Variants in TRERF1 observed in about 807,000 individuals in gnomAD.
The protein encoded by TRERF1 is transcriptional regulating factor 1, also known as transcriptional-regulating factor 1.
A neutral mutation model predicts 122.9 loss-of-function variants in TRERF1; 27 were observed. That is an observed-to-expected ratio of 0.22 (90% confidence interval 0.16 to 0.30). The LOEUF is 0.30. Among genes scored for constraint, TRERF1 ranks in the 10% least tolerant of loss-of-function variants. The pLI is 1.00. For synonymous variants in TRERF1, 636 were observed against 641.7 expected (o/e 0.99, Z 0.13); for missense variants, 1,248 against 1,560.3 (o/e 0.80, Z 3.37).
intron 3 of TRERF1, among the ~76,000 whole-genome samples, chr6:42,320,616 C>G (rs1304797984): frequency 6.6e-6 from 1 of 150,712 alleles, no homozygotes; most frequent in South Asian, 2.1e-4. Context: ...TCAAGCAATT[C>G]TCCCTACCTC....
At chr6:42,397,787 G>A (rs1778840088) in intron 2 of TRERF1, among the ~76,000 whole-genome samples, 2 of 152,226 alleles carry the variant, frequency 1.3e-5, no homozygotes, top group South Asian at 4.1e-4. Flanking sequence ...TCATAGGTCA[G>A]AAGATATCTG....
chr6:42,226,791 T>A (rs1284937551), exon 18 of TRERF1: 2 of 152,252 alleles, frequency 1.3e-5, no homozygotes, highest in Admixed American at 1.3e-4. Flanking sequence ...TGTCAAGCTA[T>A]GAATGTTGTC....
intron 4 of TRERF1, among the ~76,000 whole-genome samples, chr6:42,271,080 G>A (rs1780131604): frequency 6.6e-6 from 1 of 151,492 alleles, no homozygotes; most frequent in Non-Finnish European, 1.5e-5. Context: ...AGCTACTTGG[G>A]AGGCTGAGGC....
chr6:42,365,167 G>A (rs1485138681), intron 2 of TRERF1, among the ~76,000 whole-genome samples: 6 of 152,202 alleles, frequency 3.9e-5, no homozygotes, highest in East Asian at 3.9e-4. Flanking sequence ...AAGTGCGGGC[G>A]TGGCCCTGAA....
chr6:42,243,142 C>T (rs530446656), intron 15 of TRERF1, 106 bp downstream of exon 15: 1 of 906,866 alleles, frequency 1.1e-6, no homozygotes, highest in East Asian at 2.4e-5. Context: ...CCTCCTTCCT[C>T]TGGCTATCTT....
chr6:42,416,130 T>A (rs1781802026), intron 2 of TRERF1, among the ~76,000 whole-genome samples: 1 of 152,184 alleles, frequency 6.6e-6, no homozygotes, highest in Admixed American at 6.5e-5. Context: ...GGGGGAGTAC[T>A]ACTGATTTTT....
rs536008555 is a variant in TRERF1 at position 42,233,490 on chromosome 6, T to C, written c.3067-598A>G. Among the ~76,000 whole-genome samples, 15 of 152,090 alleles carry C rather than the reference T, an allele frequency of 9.9e-5. No homozygotes were observed. The South Asian group carries it at 3.1e-3, about 32-fold the overall frequency. ...TTAGTAGAGACAGGGTTTCACCGTG[T>C]TAGCCAGGATGGTCTCGATCTCCTG... is the stretch of plus-strand genomic sequence containing the variant. On this transcript the variant is annotated intron_variant, in intron 16 of 17. Transcript: ENST00000372922.
chr6:42,449,024 A>T (rs1181395983), intron 2 of TRERF1, among the ~76,000 whole-genome samples: 1 of 152,222 alleles, frequency 6.6e-6, no homozygotes, highest in Non-Finnish European at 1.5e-5. Context: ...CCTCTTTTAC[A>T]CTTTAAGTTC....
chr6:42,401,168 AC>A (rs903974140), intron 2 of TRERF1, among the ~76,000 whole-genome samples: 2 of 152,114 alleles, frequency 1.3e-5, no homozygotes, highest in Non-Finnish European at 2.9e-5. Flanking sequence ...AGCAGCAAAT[AC>A]CTCAGTGGAG....
At chr6:42,364,826 A>G (rs1188792865) in intron 2 of TRERF1, among the ~76,000 whole-genome samples, 1 of 152,132 alleles carries the variant, frequency 6.6e-6, no homozygotes, top group Non-Finnish European at 1.5e-5. Flanking sequence ...GGAGGAGAAA[A>G]GAGAAGGTAA....
chr6:42,313,728 G>A (rs1048140191), intron 3 of TRERF1, among the ~76,000 whole-genome samples: 7 of 152,148 alleles, frequency 4.6e-5, no homozygotes, highest in African/African-American at 1.7e-4. Context: ...GGTTGGCCAG[G>A]TCTCTGAAGG....
At chr6:42,365,024 G>A (rs1326992471) in intron 2 of TRERF1, among the ~76,000 whole-genome samples, 1 of 152,186 alleles carries the variant, frequency 6.6e-6, no homozygotes, top group Non-Finnish European at 1.5e-5. Flanking sequence ...TCAGCACACA[G>A]GAGGGCAGGT....
chr6:42,303,939 C>T (rs935938555), intron 3 of TRERF1, among the ~76,000 whole-genome samples: 33 of 130,658 alleles, frequency 2.5e-4, no homozygotes, highest in African/African-American at 8.5e-4. Context: ...AGAAGATGTA[C>T]AGGTTTTTCC....
At chr6:42,307,593 G>T (rs779627100) in intron 3 of TRERF1, among the ~76,000 whole-genome samples, 5 of 151,934 alleles carry the variant, frequency 3.3e-5, no homozygotes, top group Non-Finnish European at 5.9e-5. Context: ...CCAGGGGGTG[G>T]GTCATCTGTG....
At chr6:42,281,862 GC>G (rs1469405291) in intron 4 of TRERF1, among the ~76,000 whole-genome samples, 1 of 152,158 alleles carries the variant, frequency 6.6e-6, no homozygotes, top group East Asian at 1.9e-4. Context: ...TCCCTCAGAA[GC>G]CCCTCCCAAT....
chr6:42,280,400 C>T (rs1782099684), intron 4 of TRERF1, among the ~76,000 whole-genome samples: 1 of 152,180 alleles, frequency 6.6e-6, no homozygotes, highest in African/African-American at 2.4e-5. Flanking sequence ...TACCCATCTC[C>T]CAGCAAGTTC....
chr6:42,344,934 T>C (rs1263281024), intron 3 of TRERF1, among the ~76,000 whole-genome samples: 1 of 152,258 alleles, frequency 6.6e-6, no homozygotes, highest in African/African-American at 2.4e-5. Context: ...TTCTCTGTTT[T>C]GTTCATTGCT....
chr6:42,328,382 A>T (rs146329428), intron 3 of TRERF1, among the ~76,000 whole-genome samples: 1,842 of 152,244 alleles, frequency 0.012, 32 homozygotes, highest in African/African-American at 0.04. Flanking sequence ...GTACCTCTGC[A>T]GGTTTGTTAT....
intron 3 of TRERF1, among the ~76,000 whole-genome samples, chr6:42,309,492 T>C (rs1787854605): frequency 6.6e-6 from 1 of 152,196 alleles, no homozygotes; most frequent in Admixed American, 6.5e-5. Flanking sequence ...CTCATCTCTG[T>C]GTTATATGTG....
Sources: allele counts gnomAD v4.1 joint callset (sites outside exome capture counted in the v4.1 genomes callset), GRCh38; gene constraint gnomAD v4.1.1; transcripts MANE v1.5; gene names NCBI Gene and HGNC (gene_info 2026-07-23, HGNC 2026-07-21).